KAZN: variants seen among roughly 807,000 people sequenced by gnomAD.
The protein encoded by KAZN is kazrin.
Under a neutral mutation model 87.4 loss-of-function variants are expected in KAZN, and 40 were observed. The observed-to-expected ratio is 0.46, with a 90% CI of 0.36 to 0.60. The LOEUF (loss-of-function observed/expected upper bound fraction) is 0.60, where lower values mean the gene tolerates loss of function less well. Ranked by LOEUF, KAZN falls within the 20% of genes least tolerant of loss-of-function variation. KAZN has a pLI of 0.00. For missense variants in KAZN, 898 were observed against 1,073.9 expected (o/e 0.84, Z 2.29); for synonymous variants, 466 against 458.3 (o/e 1.02, Z -0.22).
At chr1:14,918,680 A>T (rs1285250310) in intron 1 of KAZN, among the ~76,000 whole-genome samples, 3 of 30,388 alleles carry the variant, frequency 9.9e-5, no homozygotes, top group Non-Finnish European at 1.6e-4. Context: ...CATCTCAAAA[A>T]AAAAAAAAAA....
intron 2 of KAZN, among the ~76,000 whole-genome samples, chr1:14,405,494 A>G (rs965004340): frequency 6.6e-6 from 1 of 151,892 alleles, no homozygotes; most frequent in Non-Finnish European, 1.5e-5. Context: ...TGGGATAAAC[A>G]CTCTGGTTCT....
chr1:14,447,157 T>C (rs1444873540), intron 2 of KAZN, among the ~76,000 whole-genome samples: 1 of 151,394 alleles, frequency 6.6e-6, no homozygotes, highest in Non-Finnish European at 1.5e-5. Context: ...GGTATCCTAG[T>C]GGGAACCCAT....
chr1:14,399,038 T>G (rs912899420), intron 2 of KAZN, among the ~76,000 whole-genome samples: 13 of 152,132 alleles, frequency 8.5e-5, no homozygotes, highest in African/African-American at 3.1e-4. Flanking sequence ...GGATTTTGTT[T>G]GTTTTGAGAC....
chr1:14,729,569 T>C (rs1262830741), intron 1 of KAZN, among the ~76,000 whole-genome samples: 1 of 152,218 alleles, frequency 6.6e-6, no homozygotes, highest in Non-Finnish European at 1.5e-5. Context: ...TGTGTGAATG[T>C]AGACCTTCAG....
intron 1 of KAZN, among the ~76,000 whole-genome samples, chr1:14,083,993 C>T (rs1643773056): frequency 6.6e-6 from 1 of 152,164 alleles, no homozygotes; most frequent in African/African-American, 2.4e-5. Context: ...AGACGTTAAT[C>T]AAATAATCAC....
At chr1:14,207,285 C>T (rs997733730) in intron 2 of KAZN, among the ~76,000 whole-genome samples, 1 of 151,984 alleles carries the variant, frequency 6.6e-6, no homozygotes, top group East Asian at 1.9e-4. Context: ...CCTTTTTTAC[C>T]ATAAATTGCT....
intron 1 of KAZN, among the ~76,000 whole-genome samples, chr1:14,882,409 G>A (rs1653442851): frequency 6.6e-6 from 1 of 152,224 alleles, no homozygotes; most frequent in South Asian, 2.1e-4. Flanking sequence ...CCTGGGGCAA[G>A]TTGTTTAATC....
intron 1 of KAZN, among the ~76,000 whole-genome samples, chr1:14,166,477 G>A (rs1163256702): frequency 6.6e-6 from 1 of 152,082 alleles, no homozygotes; most frequent in Non-Finnish European, 1.5e-5. Flanking sequence ...ATGAAATGCG[G>A]GTGATCAGAT....
At chr1:15,016,781 G>T (rs1036991788) in intron 2 of KAZN, among the ~76,000 whole-genome samples, 12 of 152,118 alleles carry the variant, frequency 7.9e-5, no homozygotes, top group African/African-American at 2.9e-4. Context: ...CCTTCCCTCT[G>T]CCGGAACATT....
chr1:14,956,452 T>C (rs549372292), intron 1 of KAZN, among the ~76,000 whole-genome samples: 22 of 151,802 alleles, frequency 1.4e-4, no homozygotes, highest in Non-Finnish European at 2.1e-4. Flanking sequence ...ATACAAAAAA[T>C]TACCCAGGCG....
intron 8 of KAZN, among the ~76,000 whole-genome samples, chr1:15,093,974 G>T (rs2100680736): frequency 6.6e-6 from 1 of 152,288 alleles, no homozygotes; most frequent in Middle Eastern, 3.4e-3. Context: ...TCTGGGATAA[G>T]CTTTTCTTCT....
chr1:15,108,659 G>A (rs771199009), intron 13 of KAZN, among the ~76,000 whole-genome samples: 1 of 152,180 alleles, frequency 6.6e-6, no homozygotes, highest in Non-Finnish European at 1.5e-5. Context: ...TTAATGGGTT[G>A]AGACTCAATG....
chr1:14,226,961 T>C (rs1647348166), intron 2 of KAZN, among the ~76,000 whole-genome samples: 1 of 152,152 alleles, frequency 6.6e-6, no homozygotes, highest in Admixed American at 6.5e-5. Context: ...GCTGATAACC[T>C]AGGTGACAAA....
chr1:14,408,685 T>C (rs1664063102), intron 2 of KAZN, among the ~76,000 whole-genome samples: 1 of 152,140 alleles, frequency 6.6e-6, no homozygotes, highest in African/African-American at 2.4e-5. Flanking sequence ...TTAATTACTT[T>C]CTTAGAGGCC....
intron 4 of KAZN, among the ~76,000 whole-genome samples, chr1:15,054,576 T>C (rs918202183): frequency 6.7e-6 from 1 of 149,578 alleles, no homozygotes; most frequent in African/African-American, 2.5e-5. Flanking sequence ...TGCTTGAGCA[T>C]GGGAGGTGGA....
At chr1:14,898,667 G>A (rs1314947005) in intron 1 of KAZN, among the ~76,000 whole-genome samples, 1 of 152,158 alleles carries the variant, frequency 6.6e-6, no homozygotes, top group Non-Finnish European at 1.5e-5. Flanking sequence ...GTAGGGTAAG[G>A]GGTGCAGGGC....
chr1:14,474,342 C>CT (rs1272247234), intron 2 of KAZN, among the ~76,000 whole-genome samples: 1 of 152,096 alleles, frequency 6.6e-6, no homozygotes, highest in Non-Finnish European at 1.5e-5. Flanking sequence ...AGACCAACTA[C>CT]TTTCACTGCG....
At chr1:14,965,922 C>G (rs1453330718) in intron 2 of KAZN, among the ~76,000 whole-genome samples, 1 of 151,156 alleles carries the variant, frequency 6.6e-6, no homozygotes, top group Non-Finnish European at 1.5e-5. Flanking sequence ...TTAAAATCAT[C>G]ATAATAAATG....
At chr1:14,854,738 G>C (rs755625811) in intron 1 of KAZN, among the ~76,000 whole-genome samples, 2 of 152,004 alleles carry the variant, frequency 1.3e-5, no homozygotes, top group Admixed American at 1.3e-4. Context: ...GTCTGCCACC[G>C]CACTGGGGAT....
Sources: gnomAD v4.1 joint callset for allele counts (sites outside exome capture counted in the v4.1 genomes callset) on GRCh38, gnomAD v4.1.1 for gene constraint, MANE v1.5 for transcripts, NCBI Gene and HGNC (gene_info 2026-07-23, HGNC 2026-07-21) for gene names.